SAMSN1: variants seen among roughly 807,000 people sequenced by gnomAD.
SAMSN1 encodes SAM domain-containing protein SAMSN-1.
Under a neutral mutation model 42.0 loss-of-function variants are expected in SAMSN1, and 31 were observed. That is an observed-to-expected ratio of 0.74 (90% CI 0.55 to 1.00). SAMSN1 has a LOEUF of 1.00. SAMSN1 is among the 50% of genes least tolerant of loss of function. The pLI is 0.00. For synonymous variants in SAMSN1, 178 were observed against 151.9 expected, an observed-to-expected ratio of 1.17 and a Z score of -1.26; for missense variants, 464 against 439.4, an observed-to-expected ratio of 1.06 and a Z score of -0.50.
intron 5 of SAMSN1, among the ~76,000 whole-genome samples, chr21:14,604,061 T>C (rs1982505688): frequency 6.6e-6 from 1 of 152,236 alleles, no homozygotes; most frequent in Admixed American, 6.5e-5. Context: ...ATGGGGGACC[T>C]TTAAGGGCTG....
In SAMSN1 at chr21:14,546,279, C is replaced by A; in HGVS notation, c.-18G>T. 6.2e-7 allele frequency: 1 copy of A among 1,612,936 alleles called. No individual in the cohort carries two copies. Among genetic ancestry groups the A allele is most frequent in the Non-Finnish European group, 8.5e-7 (1 of 1,179,450 alleles). On this transcript the variant is annotated 5_prime_UTR_variant, in exon 1 of 8. Coordinates refer to ENST00000400566, the MANE Select transcript of SAMSN1 (RefSeq NM_022136.5). Reference sequence around the variant, plus strand: ...TTGAGCATTTTGAATTCTGACTACTCCTAGTGAGTGCACTTTCTGCTGTTA... The same window carrying A: ...TTGAGCATTTTGAATTCTGACTACTACTAGTGAGTGCACTTTCTGCTGTTA...
intron 6 of SAMSN1, among the ~76,000 whole-genome samples, chr21:14,599,381 G>T (rs1982366312): frequency 6.6e-6 from 1 of 152,168 alleles, no homozygotes; most frequent in African/African-American, 2.4e-5. Flanking sequence ...CTGCCACCCT[G>T]TGAAGAAGGT....
At chr21:14,654,505 C>A (rs1983884617) in intron 1 of SAMSN1, among the ~76,000 whole-genome samples, 1 of 151,960 alleles carries the variant, frequency 6.6e-6, no homozygotes, top group Non-Finnish European at 1.5e-5. Context: ...GGGTAGCATG[C>A]AATCGATGTC....
intron 1 of SAMSN1, among the ~76,000 whole-genome samples, chr21:14,648,138 C>T (rs922840977): frequency 6.6e-6 from 1 of 151,520 alleles, no homozygotes; most frequent in African/African-American, 2.4e-5. Context: ...ATAGATAGCT[C>T]TTATTATTTT....
intron 1 of SAMSN1, among the ~76,000 whole-genome samples, chr21:14,527,635 G>T (rs1054862046): frequency 3.3e-5 from 5 of 151,970 alleles, no homozygotes; most frequent in African/African-American, 1.2e-4. Context: ...TTCCACCACG[G>T]TTTTACAATG....
At chr21:14,511,947 T>C (rs1053699223) in intron 4 of SAMSN1, among the ~76,000 whole-genome samples, 2 of 152,022 alleles carry the variant, frequency 1.3e-5, no homozygotes, top group African/African-American at 4.8e-5. Flanking sequence ...TAAAAGTAAA[T>C]TGATGCAAAT....
intron 4 of SAMSN1, among the ~76,000 whole-genome samples, chr21:14,512,053 GAC>G (rs1467853774): frequency 2.6e-5 from 4 of 152,124 alleles, no homozygotes; most frequent in Non-Finnish European, 5.9e-5. Flanking sequence ...GAAAGAAAGA[GAC>G]AGAGAATGGA....
At chr21:14,585,418 C>G (rs375249615), upstream of SAMSN1, 5 of 152,168 alleles carry the variant, frequency 3.3e-5, no homozygotes, top group African/African-American at 1.2e-4. Flanking sequence ...TCTCTTCTCC[C>G]TTTGTGAAAA....
intron 2 of SAMSN1, among the ~76,000 whole-genome samples, chr21:14,640,804 G>A (rs75889696): frequency 0.012 from 1,749 of 152,086 alleles, 39 homozygotes; most frequent in African/African-American, 0.04. Context: ...TGACTTTTCA[G>A]TATGCCTGTA....
chr21:14,546,588 C>T (rs73161263), upstream of SAMSN1, among the ~76,000 whole-genome samples: 122 of 148,072 alleles, frequency 8.2e-4, no homozygotes, highest in Middle Eastern at 0.014. Context: ...TAAAAATTTA[C>T]AATGCATTCC....
chr21:14,614,080 C>A (rs1982773477), intron 3 of SAMSN1, among the ~76,000 whole-genome samples: 1 of 152,128 alleles, frequency 6.6e-6, no homozygotes, highest in Non-Finnish European at 1.5e-5. Context: ...TAAACCAACT[C>A]TGAAAAAGCA....
Position 14,507,109 on chromosome 21 carries a change from G to C in SAMSN1, c.561+3201C>G, listed in dbSNP as rs1293477716. Among the ~76,000 whole-genome samples, 75 of 152,094 alleles carry C rather than the reference G, an allele frequency of 4.9e-4. 1 individual carries two copies. Among genetic ancestry groups the C allele is most frequent in the Admixed American group, 4.9e-3 (75 of 15,266 alleles). On this transcript the variant is annotated intron_variant, in intron 5 of 7. Coordinates refer to ENST00000400566, the MANE Select transcript of SAMSN1 (RefSeq NM_022136.5). The stretch of plus-strand genomic sequence containing the variant: ...AATGCTGAATGGGCACAAGGTGAAA[G>C]CATTCCCTTTGAGAACTGGAACAAG...
chr21:14,582,869 TAAAG>T (rs1327640738), intron 1 of SAMSN1, among the ~76,000 whole-genome samples: 1 of 151,348 alleles, frequency 6.6e-6, no homozygotes, highest in Non-Finnish European at 1.5e-5. Context: ...ATGTGTATAA[TAAAG>T]AATTATAAGG....
chr21:14,611,616 T>C (rs1982709504), intron 4 of SAMSN1, among the ~76,000 whole-genome samples: 1 of 152,246 alleles, frequency 6.6e-6, no homozygotes, highest in Non-Finnish European at 1.5e-5. Flanking sequence ...AAATAAAATG[T>C]TGCCTTGCTT....
At chr21:14,508,602 C>CT (rs538029642) in intron 5 of SAMSN1, among the ~76,000 whole-genome samples, 228 of 152,236 alleles carry the variant, frequency 1.5e-3, no homozygotes, top group African/African-American at 5.2e-3. Flanking sequence ...TTCTACACTG[C>CT]TGGTGGGAGT....
At chr21:14,586,262 C>CAAAAAAAAAAAAAA (rs67482796), upstream of SAMSN1, among the ~76,000 whole-genome samples, 2 of 50,612 alleles carry the variant, frequency 4.0e-5, no homozygotes, top group Non-Finnish European at 7.1e-5. Flanking sequence ...GACTCCATCT[C>CAAAAAAAAAAAAAA]AAAAAAAAAA....
At chr21:14,592,596 C>A in intron 7 of SAMSN1, 1 of 356,772 alleles carries the variant, frequency 2.8e-6, no homozygotes, top group Non-Finnish European at 6.0e-6. Flanking sequence ...GGACATTTGA[C>A]TACATAAGTA....
intron 1 of SAMSN1, among the ~76,000 whole-genome samples, chr21:14,656,916 A>AT (rs984805050): frequency 7.3e-5 from 11 of 151,658 alleles, no homozygotes; most frequent in East Asian, 3.9e-4. Flanking sequence ...ATATACCTTC[A>AT]TTTTTTTTAA....
At chr21:14,568,307 A>G (rs1981185702) in intron 2 of SAMSN1, among the ~76,000 whole-genome samples, 1 of 152,222 alleles carries the variant, frequency 6.6e-6, no homozygotes, top group African/African-American at 2.4e-5. Flanking sequence ...AAATAGAACT[A>G]TATCAACCTT....
Sources: allele counts gnomAD v4.1 joint callset (sites outside exome capture counted in the v4.1 genomes callset), GRCh38; gene constraint gnomAD v4.1.1; transcripts MANE v1.5; gene names NCBI Gene and HGNC (gene_info 2026-07-23, HGNC 2026-07-21).